The following ZSCAN4 variants were observed in gnomAD, a reference collection of about 807,000 sequenced individuals.
ZSCAN4 encodes the protein zinc finger and SCAN domain containing 4, also known as zinc finger and SCAN domain-containing protein 4.
Under a neutral mutation model 18.3 loss-of-function variants are expected in ZSCAN4, and 18 were observed. The observed-to-expected ratio is 0.98, with a 90% CI of 0.68 to 1.46. The LOEUF (loss-of-function observed/expected upper bound fraction) is 1.46, where lower values mean the gene tolerates loss of function less well. Ranked by LOEUF, ZSCAN4 falls within the 40% of genes most tolerant of loss-of-function variation. The pLI is 0.00. For synonymous variants in ZSCAN4, 193 were observed against 180.3 expected (o/e 1.07, Z -0.57); for missense variants, 498 against 511.4 (o/e 0.97, Z 0.25).
chr19:57,676,175 G>T lies in ZSCAN4; in HGVS notation c.30G>T (p.Gln10His), dbSNP rs190026289. The change falls in exon 3 of 5, where the codon CAG becomes CAT. Residue 10 changes from glutamine to histidine, a missense_variant. Gln to His is a conservative substitution (Grantham distance 24, BLOSUM62 0). Coordinates refer to ENST00000318203, the Ensembl canonical transcript of ZSCAN4. ...CTTTAGATCTAAGAACCATATTTCA[G>T]TGTGAACCATCCGAGAATAATCTTG... 1 of 1,613,560 alleles carries T rather than the reference G, an allele frequency of 6.2e-7. No individual in the cohort carries two copies. Among genetic ancestry groups the T allele is most frequent in the African/African-American group, 1.3e-5 (1 of 74,868 alleles).
chr19:57,655,247 C>T, the ZSCAN4 span, among the ~76,000 whole-genome samples: 455 of 152,284 alleles, frequency 3.0e-3, 1 homozygote, highest in Non-Finnish European at 4.5e-3. Context: ...AGCTGCTGTA[C>T]ACCACATCAC....
chr19:57,670,483 G>A (rs1379044909), exon 2 of ZSCAN4: 2 of 152,222 alleles, frequency 1.3e-5, no homozygotes, highest in Non-Finnish European at 2.9e-5. Flanking sequence ...GCAGCCTTAG[G>A]AGGCACATCA....
chr19:57,676,667 C>A, intron 3 of ZSCAN4, 126 bp downstream of exon 3: 1 of 1,073,442 alleles, frequency 9.3e-7, no homozygotes, highest in Non-Finnish European at 1.3e-6. Flanking sequence ...AGCTCACACT[C>A]TCCCACCATT....
chr19:57,673,112 G>C (rs1415193324), intron 2 of ZSCAN4, among the ~76,000 whole-genome samples: 3 of 151,868 alleles, frequency 2.0e-5, no homozygotes, highest in Non-Finnish European at 4.4e-5. Flanking sequence ...GCAGTGGCAC[G>C]ATCTCGGCTC....
At chr19:57,667,708 C>A (rs1288843215), upstream of ZSCAN4, among the ~76,000 whole-genome samples, 1 of 152,130 alleles carries the variant, frequency 6.6e-6, no homozygotes, top group African/African-American at 2.4e-5. Context: ...AATCCAATAA[C>A]CTCCTCCAAA....
upstream of ZSCAN4, among the ~76,000 whole-genome samples, chr19:57,665,788 A>G (rs1983835921): frequency 6.6e-6 from 1 of 152,038 alleles, no homozygotes. Flanking sequence ...AGCCCACGTC[A>G]GTAATCCCAG....
intron 2 of ZSCAN4, among the ~76,000 whole-genome samples, chr19:57,673,735 C>CTGA (rs571394865): frequency 2.6e-4 from 39 of 152,118 alleles, no homozygotes; most frequent in Non-Finnish European, 4.4e-4. Context: ...ACTTTATTTT[C>CTGA]TGATGATGAT....
chr19:57,652,504 TTCC>T, the ZSCAN4 span, among the ~76,000 whole-genome samples: 1 of 152,172 alleles, frequency 6.6e-6, no homozygotes, highest in South Asian at 2.1e-4. Context: ...CGGACAAGCC[TTCC>T]TCCTCCGATT....
the ZSCAN4 span, among the ~76,000 whole-genome samples, chr19:57,657,895 A>C: frequency 2.0e-5 from 3 of 152,222 alleles, no homozygotes; most frequent in East Asian, 5.8e-4. Flanking sequence ...CTGTTTAAAT[A>C]GCTGCTACAC....
upstream of ZSCAN4, chr19:57,664,683 G>C (rs1053868688): frequency 3.2e-5 from 7 of 219,220 alleles, no homozygotes; most frequent in African/African-American, 1.6e-4. Context: ...CCCCTAAATC[G>C]CTCAACAAGC....
At chr19:57,666,318 C>T (rs975905384), upstream of ZSCAN4, among the ~76,000 whole-genome samples, 5 of 152,096 alleles carry the variant, frequency 3.3e-5, no homozygotes, top group Admixed American at 3.3e-4. Context: ...GGATAAGCTT[C>T]GCGTGCTGGC....
upstream of ZSCAN4, among the ~76,000 whole-genome samples, chr19:57,667,814 T>C (rs1983895904): frequency 6.6e-6 from 1 of 152,178 alleles, no homozygotes; most frequent in Admixed American, 6.5e-5. Context: ...GGAAATGCTT[T>C]CAACCCACCA....
At position 57,676,235 on chromosome 19, in the gene ZSCAN4, AC is replaced by A; in HGVS notation, c.92del (p.Pro31LeufsTer57). 6.2e-7 allele frequency: 1 copy of A among 1,614,158 alleles called. No homozygotes were observed. The highest frequency in any genetic ancestry group is 8.5e-7 in the Non-Finnish European group (1 of 1,180,018). ...ATTCAGCGTTTCAACAAAGCCAAGG[AC>A]CTGCTGTTCAGAGAGAAGAAGGGAT... On this transcript the variant is annotated frameshift_variant, in exon 3 of 5. Coordinates refer to ENST00000318203, the Ensembl canonical transcript of ZSCAN4. LOFTEE classifies it high-confidence loss of function.
exon 3 of ZSCAN4, chr19:57,676,422 A>C (rs1470511261): frequency 1.2e-6 from 2 of 1,614,110 alleles, no homozygotes; most frequent in East Asian, 2.2e-5. Flanking sequence ...GGAGCAGTTT[A>C]TGATTGGTGG....
intron 2 of ZSCAN4, among the ~76,000 whole-genome samples, chr19:57,672,564 G>A (rs920236810): frequency 1.3e-5 from 2 of 151,332 alleles, no homozygotes; most frequent in Admixed American, 6.6e-5. Flanking sequence ...TGATTACCAC[G>A]ATCAAGCTAG....
At chr19:57,657,833 C>G in the ZSCAN4 span, among the ~76,000 whole-genome samples, 1 of 152,116 alleles carries the variant, frequency 6.6e-6, no homozygotes, top group Non-Finnish European at 1.5e-5. Flanking sequence ...TAATACAATG[C>G]AAATGCTGTT....
At chr19:57,656,528 C>T in the ZSCAN4 span, among the ~76,000 whole-genome samples, 1 of 152,200 alleles carries the variant, frequency 6.6e-6, no homozygotes, top group African/African-American at 2.4e-5. Context: ...CCAGTCTGCC[C>T]AGTTTGTGGT....
chr19:57,655,157 C>T, the ZSCAN4 span, among the ~76,000 whole-genome samples: 1 of 152,168 alleles, frequency 6.6e-6, no homozygotes, highest in Non-Finnish European at 1.5e-5. Context: ...GGGATATGCC[C>T]CTTTCTCATA....
At chr19:57,662,412 T>G in the ZSCAN4 span, among the ~76,000 whole-genome samples, 2 of 151,944 alleles carry the variant, frequency 1.3e-5, no homozygotes, top group African/African-American at 4.8e-5. Flanking sequence ...AATATCTTAT[T>G]TAGATTATTT....
Sources: allele counts gnomAD v4.1 joint callset (sites outside exome capture counted in the v4.1 genomes callset), GRCh38; gene constraint gnomAD v4.1.1; transcripts MANE v1.5; gene names NCBI Gene and HGNC (gene_info 2026-07-23, HGNC 2026-07-21).